Variants in SYN3 observed in about 807,000 individuals in gnomAD.
SYN3 encodes the protein synapsin III, also known as synapsin-3.
Under a neutral mutation model 65.8 loss-of-function variants are expected in SYN3, and 35 were observed. The ratio of observed to expected loss-of-function variants is 0.53; its 90% confidence interval spans 0.41 to 0.70. The LOEUF is 0.70. Among genes scored for constraint, SYN3 ranks in the 30% least tolerant of loss-of-function variants. SYN3 has a pLI of 0.00. For missense variants in SYN3, 680 were observed against 749.0 expected, an observed-to-expected ratio of 0.91 and a Z score of 1.08; for synonymous variants, 270 against 292.9, an observed-to-expected ratio of 0.92 and a Z score of 0.80.
rs1555914434 is a variant in SYN3, at chr22:32,644,101, A to AGAGAG, written c.712-47366_712-47365insCTCTC. On this transcript the variant is annotated intron_variant, in intron 6 of 13. Coordinates refer to ENST00000358763, the MANE Select transcript of SYN3 (RefSeq NM_003490.4). Reference sequence around the variant, plus strand: ...AAAAAAAAAAAAAAAAAAAAAAAAAAAGCGACAAGACTGACTGATGATGGG... The same window carrying AGAGAG: ...AAAAAAAAAAAAAAAAAAAAAAAAAAGAGAGAGCGACAAGACTGACTGATGATGGG... Among the ~76,000 whole-genome samples the AGAGAG allele has an allele frequency of 4.2e-5, 3 of 71,214 alleles. 1 individual carries two copies. Among genetic ancestry groups the AGAGAG allele is most frequent in the Non-Finnish European group, 5.3e-5 (2 of 37,394 alleles). The allele number at this position is 71,214 out of a possible 152,430, so 46.7% of individuals were successfully genotyped here. A position where few individuals can be genotyped will look rare whatever the true frequency, so the allele number is the denominator to read the frequency against.
intron 2 of SYN3, among the ~76,000 whole-genome samples, chr22:32,997,951 C>A (rs951058119): frequency 6.7e-6 from 1 of 149,102 alleles, no homozygotes; most frequent in South Asian, 2.1e-4. Context: ...GGCGTGAACC[C>A]GGGAGACGGA....
intron 6 of SYN3, among the ~76,000 whole-genome samples, chr22:32,725,822 T>C (rs1439260966): frequency 6.6e-6 from 1 of 152,262 alleles, no homozygotes; most frequent in Non-Finnish European, 1.5e-5. Context: ...TCATTTGTTA[T>C]AGCAGCCTCA....
chr22:32,595,791 C>T (rs1363280352), intron 7 of SYN3, among the ~76,000 whole-genome samples: 1 of 152,056 alleles, frequency 6.6e-6, no homozygotes, highest in Non-Finnish European at 1.5e-5. Flanking sequence ...GTGTGTAGCA[C>T]TTTGGCCAGG....
chr22:32,567,596 C>T lies in SYN3; in HGVS notation c.775-25883G>A, dbSNP rs73154310. Among the ~76,000 whole-genome samples the T allele has an allele frequency of 4.0e-3, 603 of 152,242 alleles. 6 individuals are homozygous for T. Among genetic ancestry groups the T allele is most frequent in the Middle Eastern group, 0.01 (3 of 294 alleles). ...GCTAAAAAATTGGGATGGACTGATACATTTCACATGTGGAGCTGGCATGGT... is the reference window on the plus strand; with the variant it reads ...GCTAAAAAATTGGGATGGACTGATATATTTCACATGTGGAGCTGGCATGGT... On this transcript the variant is annotated intron_variant, in intron 7 of 13. Transcript: ENST00000358763.
At chr22:32,862,105 T>C (rs890988419) in intron 6 of SYN3, 8 of 152,390 alleles carry the variant, frequency 5.2e-5, no homozygotes, top group African/African-American at 1.9e-4. Context: ...AGGAAAAAAG[T>C]TTAAACTACA....
intron 6 of SYN3, among the ~76,000 whole-genome samples, chr22:32,804,986 G>A (rs1569237702): frequency 6.6e-6 from 1 of 151,508 alleles, no homozygotes; most frequent in Non-Finnish European, 1.5e-5. Flanking sequence ...TCAGGAAGGG[G>A]TGGGCTGTGC....
intron 4 of SYN3, among the ~76,000 whole-genome samples, chr22:32,869,475 T>A (rs989245034): frequency 1.3e-5 from 2 of 152,010 alleles, no homozygotes; most frequent in Admixed American, 6.6e-5. Context: ...CCACGCACTC[T>A]ACTGAATGTA....
At chr22:32,986,525 CCACA>C (rs1207309525) in intron 2 of SYN3, among the ~76,000 whole-genome samples, 1 of 152,178 alleles carries the variant, frequency 6.6e-6, no homozygotes, top group Non-Finnish European at 1.5e-5. Flanking sequence ...TCCTGATGGG[CCACA>C]CAGACTGCTG....
intron 6 of SYN3, among the ~76,000 whole-genome samples, chr22:32,748,605 AT>A (rs1289632784): frequency 6.6e-6 from 1 of 152,228 alleles, no homozygotes; most frequent in African/African-American, 2.4e-5. Flanking sequence ...TAGAAACATT[AT>A]CTGCCATGTA....
At chr22:32,661,511 C>CT (rs1198422570) in intron 6 of SYN3, among the ~76,000 whole-genome samples, 6 of 152,220 alleles carry the variant, frequency 3.9e-5, no homozygotes, top group African/African-American at 1.2e-4. Flanking sequence ...TACTTACTTT[C>CT]TTTTTTTTCT....
chr22:33,052,833 A>AAT (rs1157085446), intron 1 of SYN3, among the ~76,000 whole-genome samples: 3 of 152,218 alleles, frequency 2.0e-5, no homozygotes, highest in African/African-American at 4.8e-5. Flanking sequence ...GGTCTAAACC[A>AAT]ATGGTTCCTG....
chr22:32,630,676 T>C (rs1000689448), intron 6 of SYN3, among the ~76,000 whole-genome samples: 4 of 152,260 alleles, frequency 2.6e-5, no homozygotes, highest in Admixed American at 2.6e-4. Context: ...TGCACAGCTA[T>C]GTGACCAACA....
At chr22:32,840,888 C>G (rs1181981983) in intron 6 of SYN3, among the ~76,000 whole-genome samples, 1 of 152,210 alleles carries the variant, frequency 6.6e-6, no homozygotes, top group Non-Finnish European at 1.5e-5. Context: ...ACCTCTGGCC[C>G]TTGAGTTCCT....
At chr22:32,585,867 C>G (rs368889990) in intron 7 of SYN3, among the ~76,000 whole-genome samples, 1 of 150,566 alleles carries the variant, frequency 6.6e-6, no homozygotes, top group Non-Finnish European at 1.5e-5. Context: ...TGTATATATA[C>G]GTATATAGAC....
chr22:32,606,938 C>T, intron 6 of SYN3, among the ~76,000 whole-genome samples: 1 of 151,390 alleles, frequency 6.6e-6, no homozygotes, highest in Non-Finnish European at 1.5e-5. Context: ...ATACATGTGC[C>T]ATGTTGGTGT....
intron 6 of SYN3, among the ~76,000 whole-genome samples, chr22:32,698,407 C>T (rs2060766998): frequency 6.6e-6 from 1 of 152,142 alleles, no homozygotes; most frequent in Non-Finnish European, 1.5e-5. Flanking sequence ...AACTTATATC[C>T]ACTCTATTCT....
intron 6 of SYN3, among the ~76,000 whole-genome samples, chr22:32,664,072 A>C (rs2147023491): frequency 6.6e-6 from 1 of 152,268 alleles, no homozygotes; most frequent in East Asian, 1.9e-4. Context: ...TCTGCTCACC[A>C]CCCATCATAT....
At chr22:32,601,512 C>T (rs1041663163) in intron 6 of SYN3, among the ~76,000 whole-genome samples, 5 of 152,152 alleles carry the variant, frequency 3.3e-5, no homozygotes, top group South Asian at 2.1e-4. Flanking sequence ...CTCCTGACCT[C>T]GTGATCCACC....
intron 4 of SYN3, among the ~76,000 whole-genome samples, chr22:32,876,483 G>A (rs749571465): frequency 3.3e-5 from 5 of 152,106 alleles, no homozygotes; most frequent in Middle Eastern, 3.4e-3. Flanking sequence ...ATTGATAAAC[G>A]CGTGGAGATT....
Sources: gnomAD v4.1 joint callset for allele counts (sites outside exome capture counted in the v4.1 genomes callset) on GRCh38, gnomAD v4.1.1 for gene constraint, MANE v1.5 for transcripts, NCBI Gene and HGNC (gene_info 2026-07-23, HGNC 2026-07-21) for gene names.